The following STRBP variants were observed in gnomAD, a reference collection of about 807,000 sequenced individuals.
STRBP encodes spermatid perinuclear RNA binding protein.
STRBP carries 13 observed loss-of-function variants against 80.1 expected under a neutral mutation model. The ratio of observed to expected loss-of-function variants is 0.16; its 90% confidence interval spans 0.11 to 0.26. STRBP has a LOEUF of 0.26. Ranked by LOEUF, STRBP falls within the 10% of genes least tolerant of loss-of-function variation. The probability of loss-of-function intolerance (pLI) is 1.00; values close to 1 mark genes in which losing one functional copy is unlikely to be tolerated. For missense variants in STRBP, 485 were observed against 815.2 expected, an observed-to-expected ratio of 0.59 and a Z score of 4.93; for synonymous variants, 284 against 291.2, an observed-to-expected ratio of 0.98 and a Z score of 0.25.
chr9:123,172,013 A>G (rs1249336045), intron 5 of STRBP, among the ~76,000 whole-genome samples: 2 of 152,236 alleles, frequency 1.3e-5, no homozygotes, highest in African/African-American at 2.4e-5. Flanking sequence ...TGATCTGCAC[A>G]GAGAAAGCTC....
rs942549025 is a variant in STRBP at position 123,125,420 on chromosome 9, T to TC, written c.*176_*177insG. On this transcript the variant is annotated 3_prime_UTR_variant, in exon 19 of 19. Transcript: ENST00000348403. ...TCACAGAACTGGTTTCTTTTTTTTT[T>TC]TTCAAGTTTTAGAGAACTAAATTTG... 8.0e-6 allele frequency: 10 copies of TC among 1,247,770 alleles called. No individual in the cohort carries two copies. The Admixed American group carries it at 2.0e-4, about 25-fold the overall frequency. The allele number at this position is 1,247,770 out of a possible 1,614,324, so 77.3% of individuals were successfully genotyped here.
At chr9:123,236,633 A>G (rs1026898292) in intron 2 of STRBP, among the ~76,000 whole-genome samples, 197 bp downstream of exon 2, 2 of 152,000 alleles carry the variant, frequency 1.3e-5, no homozygotes, top group East Asian at 3.9e-4. Context: ...ACCACAGTAA[A>G]TATAAAAATT....
At chr9:123,253,754 C>T (rs2040964358) in intron 1 of STRBP, among the ~76,000 whole-genome samples, 1 of 152,184 alleles carries the variant, frequency 6.6e-6, no homozygotes, top group Admixed American at 6.5e-5. Context: ...TATTAAATAG[C>T]ATAAGAAGGA....
chr9:123,219,441 A>G (rs1464431744), intron 2 of STRBP, among the ~76,000 whole-genome samples: 1 of 152,232 alleles, frequency 6.6e-6, no homozygotes, highest in Non-Finnish European at 1.5e-5. Flanking sequence ...TTTAGTAATT[A>G]CCACAGGCTA....
chr9:123,239,773 G>T (rs1381910976), intron 1 of STRBP, among the ~76,000 whole-genome samples: 1 of 152,192 alleles, frequency 6.6e-6, no homozygotes, highest in African/African-American at 2.4e-5. Context: ...AAATTATTCA[G>T]TGTAGCATCT....
intron 2 of STRBP, among the ~76,000 whole-genome samples, chr9:123,230,914 TG>T (rs1707660252): frequency 6.6e-6 from 1 of 152,148 alleles, no homozygotes; most frequent in African/African-American, 2.4e-5. Flanking sequence ...GTATAATAAT[TG>T]TACCCAAAAC....
chr9:123,111,485 C>A, intron 3 of STRBP: 1 of 349,810 alleles, frequency 2.9e-6, no homozygotes. Flanking sequence ...ACTTTCTGAC[C>A]ATCTTGGTTC....
intron 6 of STRBP, chr9:123,168,259 CT>C: frequency 1.0e-6 from 1 of 982,088 alleles, no homozygotes; most frequent in Non-Finnish European, 1.2e-6. Flanking sequence ...AACTGTAAAG[CT>C]GTTAAAAAAA....
chr9:123,260,926 G>A (rs1000978823), intron 1 of STRBP, among the ~76,000 whole-genome samples: 1 of 152,088 alleles, frequency 6.6e-6, no homozygotes, highest in African/African-American at 2.4e-5. Context: ...CTTAATTTCT[G>A]CTCACTTCCA....
At chr9:123,187,780 C>CA (rs1158559745) in intron 2 of STRBP, among the ~76,000 whole-genome samples, 1 of 140,952 alleles carries the variant, frequency 7.1e-6, no homozygotes, top group African/African-American at 3.1e-5. Flanking sequence ...ACCCACCACC[C>CA]ACCACACATA....
At chr9:123,142,892 C>T (rs544542901) in intron 13 of STRBP, among the ~76,000 whole-genome samples, 1 of 152,238 alleles carries the variant, frequency 6.6e-6, no homozygotes, top group South Asian at 2.1e-4. Flanking sequence ...AAACCTAATA[C>T]ATCAATTGAG....
At chr9:123,150,676 T>C (rs906062082) in intron 11 of STRBP, among the ~76,000 whole-genome samples, 4 of 152,170 alleles carry the variant, frequency 2.6e-5, no homozygotes, top group Non-Finnish European at 5.9e-5. Flanking sequence ...TAGGGGCATC[T>C]TCCTAATCCA....
intron 2 of STRBP, among the ~76,000 whole-genome samples, chr9:123,187,161 C>T (rs1036135558): frequency 6.6e-6 from 1 of 151,680 alleles, no homozygotes; most frequent in African/African-American, 2.4e-5. Flanking sequence ...CTAAGTAAGA[C>T]CATAAAGTAA....
At chr9:123,162,009 CCATT>C (rs2037541060) in intron 6 of STRBP, among the ~76,000 whole-genome samples, 1 of 152,166 alleles carries the variant, frequency 6.6e-6, no homozygotes, top group Non-Finnish European at 1.5e-5. Context: ...GTCGGATTTA[CCATT>C]CTTTTTAAGG....
At chr9:123,188,417 G>A (rs143622323) in intron 2 of STRBP, among the ~76,000 whole-genome samples, 34 of 152,228 alleles carry the variant, frequency 2.2e-4, no homozygotes, top group African/African-American at 6.7e-4. Flanking sequence ...CGAGGCAGGC[G>A]GATCACAAGG....
intron 13 of STRBP, among the ~76,000 whole-genome samples, chr9:123,145,476 C>T (rs775956171): frequency 7.2e-5 from 11 of 152,084 alleles, no homozygotes; most frequent in African/African-American, 1.4e-4. Flanking sequence ...GGTTACTGTA[C>T]GAAACAACCC....
intron 13 of STRBP, among the ~76,000 whole-genome samples, chr9:123,142,297 C>T (rs1407442779): frequency 4.6e-5 from 7 of 152,134 alleles, no homozygotes; most frequent in Admixed American, 1.3e-4. Flanking sequence ...GGCACTTCCT[C>T]GCCCTTCTCT....
At position 123,123,532 on chromosome 9, in the gene STRBP, T is replaced by TAAAAAAAAAAAAAAA. The variant is rs5900563; in HGVS notation, c.*2050_*2064dup. 1.8e-6 allele frequency: 1 copy of TAAAAAAAAAAAAAAA among 568,534 alleles called. No homozygotes were observed. The highest frequency in any genetic ancestry group is 2.2e-6 in the Non-Finnish European group (1 of 452,944). The allele number at this position is 568,534 out of a possible 1,614,324, so 35.2% of individuals were successfully genotyped here. On this transcript the variant is annotated 3_prime_UTR_variant, in exon 19 of 19. Coordinates refer to ENST00000348403, the MANE Select transcript of STRBP (RefSeq NM_018387.5). The stretch of plus-strand genomic sequence containing the variant: ...AGTAACTTCCAACAAACAACAAAAT[T>TAAAAAAAAAAAAAAA]AAAAAAAAAAAAAAAAGACTTGGTA...
At position 123,122,803 on chromosome 9, in the gene STRBP, A is replaced by T. The variant is rs2035773614; in HGVS notation, c.*2794T>A. On this transcript the variant is annotated 3_prime_UTR_variant, in exon 19 of 19. Coordinates refer to ENST00000348403, the MANE Select transcript of STRBP (RefSeq NM_018387.5). ...GAATGTAACTATTTATGTGCTAAAAAGTGTAAAAAACTGTCAGAACATAGC... is the reference window on the plus strand; with the variant it reads ...GAATGTAACTATTTATGTGCTAAAATGTGTAAAAAACTGTCAGAACATAGC... The T allele has an allele frequency of 1.0e-6, 1 of 989,520 alleles. No individual in the cohort carries two copies. Among genetic ancestry groups the T allele is most frequent in the South Asian group, 4.6e-5 (1 of 21,588 alleles). 61.3% of individuals were successfully genotyped at this position (989,520 alleles called of 1,614,324 possible).
Sources: gnomAD v4.1 joint callset for allele counts (sites outside exome capture counted in the v4.1 genomes callset) on GRCh38, gnomAD v4.1.1 for gene constraint, MANE v1.5 for transcripts, NCBI Gene and HGNC (gene_info 2026-07-23, HGNC 2026-07-21) for gene names.